The following PHIP variants were observed in gnomAD, a reference collection of about 807,000 sequenced individuals.
The protein encoded by PHIP is PHIP subunit of CUL4-Ring ligase complex.
In PHIP, 54 loss-of-function variants were observed where a neutral mutation model predicts 236.8. That is an observed-to-expected ratio of 0.23 (90% confidence interval 0.18 to 0.29). The LOEUF (loss-of-function observed/expected upper bound fraction) is 0.29. Ranked by LOEUF, PHIP falls within the 10% of genes least tolerant of loss-of-function variation. PHIP has a pLI of 1.00. For synonymous variants in PHIP, 756 were observed against 718.9 expected (o/e 1.05, Z -0.83); for missense variants, 1,370 against 2,190.8 (o/e 0.63, Z 7.48).
chr6:78,938,261 G>A lies in PHIP; in HGVS notation c.*2432C>T, dbSNP rs4464748. ...CCAGTGTCTAATAATGTCCAAATAA[G>A]GTCATAAATATACAGTGTCTGTAGA... On this transcript the variant is annotated 3_prime_UTR_variant, in exon 40 of 40. Transcript: ENST00000275034. The A allele has an allele frequency of 1.3e-5, 2 of 151,480 alleles. No homozygotes were observed. Among genetic ancestry groups the A allele is most frequent in the Non-Finnish European group, 3.0e-5 (2 of 67,540 alleles). The allele number at this position is 151,480 out of a possible 1,614,324, so 9.4% of individuals were successfully genotyped here.
Position 78,997,418 on chromosome 6 carries a change from C to T in PHIP, c.2197G>A (p.Ala733Thr), listed in dbSNP as rs767535499. The T allele has an allele frequency of 6.2e-7, 1 of 1,613,754 alleles. No homozygotes were observed. The highest frequency in any genetic ancestry group is 2.2e-5 in the East Asian group (1 of 44,862). Residue 733 changes from alanine (A) to threonine (T), a missense_variant, in exon 19 of 40, where the codon GCC becomes ACC. By Grantham distance (58) the Ala-to-Thr change is moderately conservative. Transcript: ENST00000275034. The part of the protein sequence containing the change: ...VVVPELSAGV[A>T]SRQEEWRTAK... Reference sequence around the variant, plus strand: ...AAAATTCACAACTTCCCTTACCTGGCTACACCAGCTGATAGCTCGGGTACT... The same window carrying T: ...AAAATTCACAACTTCCCTTACCTGGTTACACCAGCTGATAGCTCGGGTACT...
chr6:78,980,908 TA>T (rs1259753500), intron 23 of PHIP, among the ~76,000 whole-genome samples: 4 of 152,068 alleles, frequency 2.6e-5, no homozygotes, highest in Non-Finnish European at 4.4e-5. Flanking sequence ...ATAAGGAATT[TA>T]TCTATGTTCA....
At chr6:79,031,092 C>A (rs962905971) in intron 7 of PHIP, among the ~76,000 whole-genome samples, 1 of 151,920 alleles carries the variant, frequency 6.6e-6, no homozygotes, top group Non-Finnish European at 1.5e-5. Context: ...TACAGGCGTC[C>A]GCCACCACAC....
intron 22 of PHIP, among the ~76,000 whole-genome samples, chr6:78,984,418 A>AGT (rs10642979): frequency 0.27 from 40,294 of 151,970 alleles, 5,645 homozygotes; most frequent in Non-Finnish European, 0.31. Flanking sequence ...CACTCTCTGG[A>AGT]GTACTTGGCT....
At chr6:79,000,970 C>T (rs997708810) in intron 17 of PHIP, among the ~76,000 whole-genome samples, 1 of 152,010 alleles carries the variant, frequency 6.6e-6, no homozygotes, top group African/African-American at 2.4e-5. Flanking sequence ...CAACTTCATG[C>T]TAAATCCTTT....
intron 18 of PHIP, 43 bp from the exon 19 acceptor site, chr6:78,997,640 T>C: frequency 6.9e-7 from 1 of 1,449,968 alleles, no homozygotes; most frequent in Non-Finnish European, 9.5e-7. Flanking sequence ...TTAGAGATAT[T>C]TCTCCATTAG....
chr6:78,977,277 C>CA (rs1768163022), intron 24 of PHIP, among the ~76,000 whole-genome samples: 1 of 149,642 alleles, frequency 6.7e-6, no homozygotes, highest in African/African-American at 2.5e-5. Flanking sequence ...ATTGCAAGAA[C>CA]AAAAAACCAA....
intron 22 of PHIP, among the ~76,000 whole-genome samples, chr6:78,984,049 A>G (rs769742585): frequency 9.9e-5 from 15 of 152,148 alleles, no homozygotes; most frequent in Non-Finnish European, 2.1e-4. Flanking sequence ...ATGATATATG[A>G]CCTCATGCCT....
At chr6:78,950,133 G>T (rs757314663) in intron 35 of PHIP, among the ~76,000 whole-genome samples, 1 of 152,142 alleles carries the variant, frequency 6.6e-6, no homozygotes, top group Non-Finnish European at 1.5e-5. Context: ...TGGATTACTT[G>T]ATATAATCAT....
chr6:78,973,022 G>T (rs975896807), intron 24 of PHIP, among the ~76,000 whole-genome samples: 1 of 152,246 alleles, frequency 6.6e-6, no homozygotes, highest in Non-Finnish European at 1.5e-5. Flanking sequence ...AGGAAATACA[G>T]AGAACGCCAT....
intron 35 of PHIP, among the ~76,000 whole-genome samples, chr6:78,952,434 A>C (rs1002139273): frequency 4.6e-5 from 7 of 150,938 alleles, no homozygotes; most frequent in African/African-American, 1.7e-4. Context: ...AAAAGAAAAA[A>C]AAAAAAGAAA....
rs1582122854 is a variant in PHIP at position 78,965,712 on chromosome 6, G to A, written c.3370C>T (p.Pro1124Ser). The change falls in exon 29 of 40, where the codon CCT becomes TCT. Residue 1124 changes from proline (P) to serine (S), a missense_variant. This residue lies in a region of PHIP where 238 missense variants were observed against 398.5 expected (regional missense o/e 0.60). Transcript: ENST00000275034. ...CCTAACACACACTTACCATTATTAG[G>A]TATAAGCTCCATATCCCAAGGACTC... ...KMSPWDMELI[P>S]NNAVFPEELG... The A allele has an allele frequency of 1.3e-6, 2 of 1,548,592 alleles. No homozygotes were observed. Among genetic ancestry groups the A allele is most frequent in the East Asian group, 2.3e-5 (1 of 44,298 alleles).
intron 14 of PHIP, 78 bp from the exon 15 acceptor site, chr6:79,015,294 G>A: frequency 1.7e-6 from 2 of 1,147,672 alleles, no homozygotes; most frequent in Non-Finnish European, 1.3e-6. Context: ...ATACCAATAT[G>A]GCACTATTTC....
intron 9 of PHIP, among the ~76,000 whole-genome samples, chr6:79,021,527 T>C (rs563898610): frequency 1.3e-5 from 2 of 152,246 alleles, no homozygotes; most frequent in East Asian, 3.9e-4. Flanking sequence ...TTATACACAA[T>C]GGAGTACTAT....
At chr6:78,972,118 A>C (rs1446830226) in intron 24 of PHIP, among the ~76,000 whole-genome samples, 3 of 152,160 alleles carry the variant, frequency 2.0e-5, no homozygotes, top group African/African-American at 4.8e-5. Context: ...CTGCAGACTT[A>C]AATGTCCCTG....
chr6:78,952,656 C>G (rs543250275), intron 35 of PHIP, among the ~76,000 whole-genome samples: 3 of 152,158 alleles, frequency 2.0e-5, no homozygotes, highest in African/African-American at 7.2e-5. Context: ...TTTACACTTA[C>G]TATCTCTTTA....
intron 4 of PHIP, among the ~76,000 whole-genome samples, chr6:79,071,260 A>G (rs1331691273): frequency 6.6e-6 from 1 of 152,216 alleles, no homozygotes; most frequent in African/African-American, 2.4e-5. Flanking sequence ...TCACTATTCA[A>G]TAAGATAACA....
intron 17 of PHIP, among the ~76,000 whole-genome samples, chr6:78,998,626 A>G (rs1010826408): frequency 6.6e-6 from 1 of 152,180 alleles, no homozygotes; most frequent in African/African-American, 2.4e-5. Flanking sequence ...AGTGTTTATC[A>G]TGACTCAGAT....
At position 78,935,493 on chromosome 6, in the gene PHIP, A is replaced by G; in HGVS notation, c.*5200T>C. The G allele has an allele frequency of 1.0e-6, 1 of 978,734 alleles. No homozygotes were observed. Among genetic ancestry groups the G allele is most frequent in the Non-Finnish European group, 1.2e-6 (1 of 823,888 alleles). The allele number at this position is 978,734 out of a possible 1,614,324, so 60.6% of individuals were successfully genotyped here. A position where few individuals can be genotyped will look rare whatever the true frequency, so the allele number is the denominator to read the frequency against. On this transcript the variant is annotated 3_prime_UTR_variant, in exon 40 of 40. Transcript: ENST00000275034. ...ACATTTTTGAGAAAATATTTATGCA[A>G]AGTGTTCCACTGAAATGTATCTCTT...
Sources: allele counts gnomAD v4.1 joint callset (sites outside exome capture counted in the v4.1 genomes callset), GRCh38; gene constraint gnomAD v4.1.1; regional missense constraint gnomAD v4.1.1; transcripts MANE v1.5; gene names NCBI Gene and HGNC (gene_info 2026-07-23, HGNC 2026-07-21).